The following MID2 variants were observed in gnomAD, a reference collection of about 807,000 sequenced individuals.
MID2 encodes midline 2, also known as probable E3 ubiquitin-protein ligase MID2.
In MID2, 13 loss-of-function variants were observed where a neutral mutation model predicts 46.1. The observed-to-expected ratio is 0.28, with a 90% confidence interval of 0.18 to 0.45. MID2 has a LOEUF of 0.45. Among genes scored for constraint, MID2 ranks in the 20% least tolerant of loss-of-function variants. MID2 has a pLI of 1.00. For synonymous variants in MID2, 199 were observed against 212.3 expected, an observed-to-expected ratio of 0.94 and a Z score of 0.55; for missense variants, 431 against 575.4, an observed-to-expected ratio of 0.75 and a Z score of 2.57.
At chrX:107,845,546 C>G (rs1466813330) in intron 2 of MID2, among the ~76,000 whole-genome samples, 4 of 108,460 alleles carry the variant, frequency 3.7e-5, no homozygotes. Context: ...CTCTCTCTCT[C>G]TCTCTCTCTC....
Position 107,929,929 on chromosome X carries a change from G to A in MID2, c.*2856G>A, listed in dbSNP as rs773145692. ...CGCCTGTGTTAGAATCACCTTTAGT[G>A]TTTGTTAAAAGAATTGATTTTGGGT... On this transcript the variant is annotated 3_prime_UTR_variant, in exon 10 of 10. Transcript: ENST00000262843. Among the ~76,000 whole-genome samples, 2 of 111,757 alleles carry A rather than the reference G, an allele frequency of 1.8e-5. No individual in the cohort carries two copies. The highest frequency in any genetic ancestry group is 3.8e-5 in the Non-Finnish European group (2 of 53,027).
At chrX:107,844,510 A>G (rs778960088) in intron 2 of MID2, among the ~76,000 whole-genome samples, 2 of 111,517 alleles carry the variant, frequency 1.8e-5, no homozygotes, top group Non-Finnish European at 3.8e-5. Flanking sequence ...ACGGCTTCAT[A>G]TTTTAGAATT....
At position 107,912,373 on chromosome X, in the gene MID2, C is replaced by T. The variant is rs759897858; in HGVS notation, c.1074-3629C>T. 2.2e-3 allele frequency among the ~76,000 whole-genome samples: 246 copies of T among 112,062 alleles called. 1 individual carries two copies. Among genetic ancestry groups the T allele is most frequent in the Middle Eastern group, 4.6e-3 (1 of 219 alleles). On this transcript the variant is annotated intron_variant, in intron 5 of 9. Coordinates refer to ENST00000262843, the MANE Select transcript of MID2 (RefSeq NM_012216.4). ...CCTCTGAAATGTTTTGTCCCACTAC[C>T]ACACCATTGAAAGTATTCTTTTCAA...
At chrX:107,899,427 T>C (rs1046848995) in intron 3 of MID2, among the ~76,000 whole-genome samples, 11 of 110,963 alleles carry the variant, frequency 9.9e-5, no homozygotes, top group African/African-American at 3.6e-4. Flanking sequence ...AGGTGGAAAT[T>C]GGGGAAGACT....
At chrX:107,837,238 A>G (rs1240139328) in intron 1 of MID2, among the ~76,000 whole-genome samples, 1 of 112,225 alleles carries the variant, frequency 8.9e-6, no homozygotes, top group African/African-American at 3.2e-5. Flanking sequence ...GACAATTTAT[A>G]TGGCACCCTC....
intron 3 of MID2, among the ~76,000 whole-genome samples, chrX:107,894,037 C>T (rs1226037148): frequency 8.9e-6 from 1 of 112,189 alleles, no homozygotes; most frequent in Non-Finnish European, 1.9e-5. Flanking sequence ...GAAGCCATCA[C>T]CCATGCTCTA....
chrX:107,894,144 C>T (rs1281297267), intron 3 of MID2, among the ~76,000 whole-genome samples: 1 of 111,582 alleles, frequency 9.0e-6, no homozygotes, highest in South Asian at 3.8e-4. Flanking sequence ...TTCTATATAC[C>T]GATTTGTCTC....
intron 3 of MID2, among the ~76,000 whole-genome samples, chrX:107,902,822 G>C (rs967986465): frequency 9.0e-6 from 1 of 111,262 alleles, no homozygotes; most frequent in African/African-American, 3.3e-5. Context: ...CCCATTGTCT[G>C]TTCCTCAGCC....
At chrX:107,846,942 G>T (rs968739278) in intron 2 of MID2, among the ~76,000 whole-genome samples, 3 of 111,876 alleles carry the variant, frequency 2.7e-5, no homozygotes, top group African/African-American at 9.8e-5. Context: ...GTTGGGCAAA[G>T]AAACATATTA....
intron 5 of MID2, among the ~76,000 whole-genome samples, chrX:107,909,892 CAA>C (rs1164045265): frequency 1.8e-5 from 2 of 111,915 alleles, no homozygotes; most frequent in African/African-American, 6.5e-5. Flanking sequence ...TTTTAATTGA[CAA>C]ATCATAGTTG....
intron 6 of MID2, among the ~76,000 whole-genome samples, chrX:107,916,502 A>G (rs936854546): frequency 6.2e-5 from 7 of 112,086 alleles, no homozygotes; most frequent in Admixed American, 5.7e-4. Context: ...TACAACCAAA[A>G]TGGTTTTAAG....
chrX:107,888,144 A>C (rs1052445710), intron 3 of MID2, among the ~76,000 whole-genome samples: 1 of 111,207 alleles, frequency 9.0e-6, no homozygotes, highest in Non-Finnish European at 1.9e-5. Flanking sequence ...CTCTGATCTT[A>C]GTTATTTCTT....
Position 107,841,086 on chromosome X carries a change from T to C in MID2, c.421T>C (p.Phe141Leu), listed in dbSNP as rs1931333978. 1 of 1,211,366 alleles carries C rather than the reference T, an allele frequency of 8.3e-7. No homozygotes were observed. The highest frequency in any genetic ancestry group is 1.1e-6 in the Non-Finnish European group (1 of 895,421). ...GTCTAGCGAGCGAATTGCTTGCCAATTCTGTGAGCAGGACCCGCCAAGGGA... is the reference window on the plus strand; with the variant it reads ...GTCTAGCGAGCGAATTGCTTGCCAACTCTGTGAGCAGGACCCGCCAAGGGA... ...AMSSERIACQ[F>L]CEQDPPRDAV... Residue 141 changes from phenylalanine (F) to leucine (L), a missense_variant, in exon 2 of 10, where the codon TTC (phenylalanine) becomes CTC (leucine). Phe to Leu is a conservative substitution (Grantham distance 22). Coordinates refer to ENST00000262843, the MANE Select transcript of MID2 (RefSeq NM_012216.4).
intron 3 of MID2, among the ~76,000 whole-genome samples, chrX:107,882,726 G>T (rs903087245): frequency 1.8e-5 from 2 of 112,064 alleles, no homozygotes; most frequent in Non-Finnish European, 3.8e-5. Flanking sequence ...AGGTTGTGGA[G>T]AAATAGGAAC....
chrX:107,858,411 A>G (rs1208688670), intron 3 of MID2, among the ~76,000 whole-genome samples: 5 of 112,362 alleles, frequency 4.4e-5, no homozygotes, highest in African/African-American at 9.7e-5. Flanking sequence ...GCCAAGGGAA[A>G]ATGTATACCA....
At chrX:107,917,433 G>T in intron 6 of MID2, 73 bp from the exon 7 acceptor site, 2 of 815,378 alleles carry the variant, frequency 2.5e-6, no homozygotes, top group South Asian at 4.6e-5. Flanking sequence ...GGTTACGCAG[G>T]AAGAGTAACA....
chrX:107,873,111 A>G (rs1385387076), intron 3 of MID2, among the ~76,000 whole-genome samples: 1 of 111,485 alleles, frequency 9.0e-6, no homozygotes, highest in Non-Finnish European at 1.9e-5. Flanking sequence ...AACAGGGGCC[A>G]TTATCACTCT....
At position 107,926,156 on chromosome X, in the gene MID2, T is replaced by C. The variant is rs368317472; in HGVS notation, c.1660T>C (p.Leu554=). 1.7e-6 allele frequency: 2 copies of C among 1,208,745 alleles called. No homozygotes were observed. The highest frequency in any genetic ancestry group is 2.2e-6 in the Non-Finnish European group (2 of 893,365). Residue 554 remains leucine (L), a synonymous_variant, in exon 9 of 10, where the codon TTG becomes CTG. Transcript: ENST00000262843. ...HKKLKISNDG[L]QMEKDESSLK... ...GAAGTTGAAGATCTCCAATGATGGA[T>C]TGCAGATGGAGAAGGATGAAAGCTC...
intron 2 of MID2, among the ~76,000 whole-genome samples, chrX:107,845,946 A>G (rs1169580727): frequency 8.9e-6 from 1 of 112,292 alleles, no homozygotes; most frequent in Admixed American, 9.4e-5. Flanking sequence ...TTGCATACAC[A>G]TGTATGCATC....
Sources: allele counts gnomAD v4.1 joint callset (sites outside exome capture counted in the v4.1 genomes callset), GRCh38; gene constraint gnomAD v4.1.1; transcripts MANE v1.5; gene names NCBI Gene and HGNC (gene_info 2026-07-23, HGNC 2026-07-21).